The following CREBRF variants were observed in gnomAD, a reference collection of about 807,000 sequenced individuals.
CREBRF encodes the protein UPF0474 protein C5orf41.
CREBRF carries 5 observed loss-of-function variants against 66.1 expected under a neutral mutation model. The ratio of observed to expected loss-of-function variants is 0.08; its 90% CI spans 0.04 to 0.16. The LOEUF (loss-of-function observed/expected upper bound fraction) is 0.16. CREBRF is among the 10% of genes least tolerant of loss of function. The pLI, the probability that CREBRF is intolerant of heterozygous loss-of-function variation, is 1.00. For synonymous variants in CREBRF, 229 were observed against 264.4 expected (o/e 0.87, Z 1.30); for missense variants, 531 against 744.9 (o/e 0.71, Z 3.34).
chr5:173,069,946 A>T (rs1392680500), intron 1 of CREBRF, among the ~76,000 whole-genome samples: 1 of 151,344 alleles, frequency 6.6e-6, no homozygotes, highest in East Asian at 1.9e-4. Context: ...CTTGTAGTCT[A>T]GGCTGGAATG....
chr5:173,136,732 C>T lies in CREBRF; in HGVS notation c.*2987C>T, dbSNP rs1759594306. On this transcript the variant is annotated 3_prime_UTR_variant, in exon 9 of 9. Coordinates refer to ENST00000296953, the MANE Select transcript of CREBRF (RefSeq NM_153607.3). The stretch of plus-strand genomic sequence containing the variant: ...AATCTTATAAGGGTAATGTAAAAAC[C>T]CCAACAATTGTACATGTTCTGTTTT... The T allele has an allele frequency of 6.6e-6, 1 of 152,156 alleles. No individual in the cohort carries two copies. The highest frequency in any genetic ancestry group is 2.4e-5 in the African/African-American group (1 of 41,326). The allele number at this position is 152,156 out of a possible 1,614,324, so 9.4% of individuals were successfully genotyped here. A position where few individuals can be genotyped will look rare whatever the true frequency, so the allele number is the denominator to read the frequency against.
intron 4 of CREBRF, among the ~76,000 whole-genome samples, chr5:173,100,118 G>GTGTGTGTGTGTGTGTA (rs70984939): frequency 2.3e-5 from 2 of 88,384 alleles, no homozygotes; most frequent in African/African-American, 4.9e-5. Context: ...GTGTGTGTGT[G>GTGTGTGTGTGTGTGTA]TATATATATA....
At chr5:173,091,793 T>G in intron 4 of CREBRF, 1 of 991,256 alleles carries the variant, frequency 1.0e-6, no homozygotes, top group Non-Finnish European at 1.2e-6. Context: ...TAAAAAATAT[T>G]CCTGTTTAGG....
chr5:173,088,255 C>CTTTTTT (rs536962764), intron 3 of CREBRF, among the ~76,000 whole-genome samples: 3 of 66,828 alleles, frequency 4.5e-5, no homozygotes, highest in African/African-American at 6.8e-5. Flanking sequence ...CAAATACATT[C>CTTTTTT]TTTTTTTTTT....
intron 4 of CREBRF, among the ~76,000 whole-genome samples, chr5:173,099,207 G>C (rs564980165): frequency 1.8e-4 from 28 of 152,222 alleles, no homozygotes; most frequent in African/African-American, 6.0e-4. Context: ...CCAGGCTGGA[G>C]TGCAGTGGTG....
chr5:173,087,932 T>G (rs1339546674), intron 3 of CREBRF, among the ~76,000 whole-genome samples: 2 of 151,304 alleles, frequency 1.3e-5, no homozygotes, highest in Non-Finnish European at 2.9e-5. Context: ...CAAGCGATTC[T>G]CCTGCCTCAG....
At chr5:173,062,747 C>CTTT (rs35042056) in intron 1 of CREBRF, among the ~76,000 whole-genome samples, 76 of 118,708 alleles carry the variant, frequency 6.4e-4, no homozygotes, top group African/African-American at 8.3e-4. Flanking sequence ...TAAAATCATT[C>CTTT]TTTTTTTTTT....
chr5:173,057,020 G>C (rs945587041), intron 1 of CREBRF, among the ~76,000 whole-genome samples: 1 of 152,100 alleles, frequency 6.6e-6, no homozygotes, highest in African/African-American at 2.4e-5. Flanking sequence ...GGGCTAGGGG[G>C]GTCCGAGCAG....
intron 4 of CREBRF, among the ~76,000 whole-genome samples, chr5:173,105,846 C>G (rs1340387478): frequency 6.8e-6 from 1 of 146,730 alleles, no homozygotes; most frequent in Non-Finnish European, 1.5e-5. Context: ...TCTCAATCTC[C>G]TGACCTCCTG....
In CREBRF at chr5:173,059,857, A is replaced by G. The variant is rs189407216; in HGVS notation, c.-192+3378A>G. On this transcript the variant is annotated intron_variant, in intron 1 of 8. Coordinates refer to ENST00000296953, the MANE Select transcript of CREBRF (RefSeq NM_153607.3). ...CTTTGGGTTTTTTATATTCATAAGC[A>G]TAGAAGAGGCTAAATAGCTCCCGAA... Among the ~76,000 whole-genome samples the G allele has an allele frequency of 2.4e-3, 358 of 152,326 alleles. 1 individual carries two copies. Among genetic ancestry groups the G allele is most frequent in the Non-Finnish European group, 2.4e-3 (162 of 68,032 alleles).
intron 4 of CREBRF, among the ~76,000 whole-genome samples, chr5:173,104,115 G>A (rs1413940354): frequency 1.3e-5 from 2 of 152,130 alleles, no homozygotes; most frequent in Non-Finnish European, 2.9e-5. Context: ...TTATCTTCAT[G>A]GAATTTAGTG....
intron 4 of CREBRF, among the ~76,000 whole-genome samples, chr5:173,097,146 A>G (rs934836902): frequency 3.3e-5 from 5 of 152,298 alleles, no homozygotes; most frequent in East Asian, 1.9e-4. Context: ...TCTCTCCTCT[A>G]CATTTCTTTA....
At chr5:173,119,176 T>A (rs1330614751) in intron 7 of CREBRF, among the ~76,000 whole-genome samples, 1 of 152,248 alleles carries the variant, frequency 6.6e-6, no homozygotes, top group Non-Finnish European at 1.5e-5. Context: ...TGCATGTCTA[T>A]ATAGATTTTC....
At position 173,100,319 on chromosome 5, in the gene CREBRF, T is replaced by C. The variant is rs560832335; in HGVS notation, c.1223-8305T>C. On this transcript the variant is annotated intron_variant, in intron 4 of 8. Transcript: ENST00000296953. Reference sequence around the variant, plus strand: ...GTTATTTTTAATGCCTTTTTAACTTTTATACTAGCATTAAAAGTGTTTTGC... The same window carrying C: ...GTTATTTTTAATGCCTTTTTAACTTCTATACTAGCATTAAAAGTGTTTTGC... 4.6e-5 allele frequency among the ~76,000 whole-genome samples: 7 copies of C among 151,712 alleles called. No homozygotes were observed. The South Asian group carries it at 1.5e-3, about 32-fold the overall frequency.
chr5:173,111,256 G>A lies in CREBRF; in HGVS notation c.1607+545G>A, dbSNP rs372548423. Among the ~76,000 whole-genome samples, 513 of 152,072 alleles carry A rather than the reference G, an allele frequency of 3.4e-3. 2 individuals are homozygous for A. Among genetic ancestry groups the A allele is most frequent in the African/African-American group, 0.012 (485 of 41,484 alleles). Reference sequence around the variant, plus strand: ...TGTACATGGAATATACTGTATGTATGTAGCCTTTGATTGAACCTGTCTTCC... The same window carrying A: ...TGTACATGGAATATACTGTATGTATATAGCCTTTGATTGAACCTGTCTTCC... On this transcript the variant is annotated intron_variant, in intron 6 of 8. Coordinates refer to ENST00000296953, the MANE Select transcript of CREBRF (RefSeq NM_153607.3).
chr5:173,082,014 T>TTG (rs1757965290), intron 2 of CREBRF, among the ~76,000 whole-genome samples: 3 of 113,784 alleles, frequency 2.6e-5, no homozygotes, highest in Non-Finnish European at 5.8e-5. Context: ...TTTTTTTTTT[T>TTG]TTTTTTTTTT....
In CREBRF at chr5:173,105,223, A is replaced by ATGTG. The variant is rs1159644057; in HGVS notation, c.1223-3400_1223-3399insGTGT. Among the ~76,000 whole-genome samples the ATGTG allele has an allele frequency of 5.9e-3, 803 of 136,030 alleles. 12 individuals are homozygous for ATGTG. Among genetic ancestry groups the ATGTG allele is most frequent in the African/African-American group, 0.021 (745 of 35,604 alleles). The allele number at this position is 136,030 out of a possible 152,430, so 89.2% of individuals were successfully genotyped here. A position where few individuals can be genotyped will look rare whatever the true frequency, so the allele number is the denominator to read the frequency against. ...ATCCAGGAGGATGGTATGTGTGTAT[A>ATGTG]TATGTGTGTGTGTGTGTGTGTGTGT... On this transcript the variant is annotated intron_variant, in intron 4 of 8. Coordinates refer to ENST00000296953, the MANE Select transcript of CREBRF (RefSeq NM_153607.3).
At chr5:173,128,785 A>G (rs1339930517) in intron 8 of CREBRF, among the ~76,000 whole-genome samples, 1 of 150,594 alleles carries the variant, frequency 6.6e-6, no homozygotes, top group Non-Finnish European at 1.5e-5. Context: ...ATTTTATTTT[A>G]TTTATTTATT....
chr5:173,097,940 C>T (rs779074458), intron 4 of CREBRF, among the ~76,000 whole-genome samples: 29 of 151,190 alleles, frequency 1.9e-4, no homozygotes, highest in Non-Finnish European at 4.0e-4. Flanking sequence ...TCTTTTTCTA[C>T]TTCCTTGAGG....
Sources: gnomAD v4.1 joint callset for allele counts (sites outside exome capture counted in the v4.1 genomes callset) on GRCh38, gnomAD v4.1.1 for gene constraint, MANE v1.5 for transcripts, NCBI Gene and HGNC (gene_info 2026-07-23, HGNC 2026-07-21) for gene names.